Variants in NR5A2 observed in about 807,000 individuals in gnomAD.
NR5A2 encodes the protein CYP7A promoter-binding factor.
A neutral mutation model predicts 62.7 loss-of-function variants in NR5A2; 26 were observed. The ratio of observed to expected loss-of-function variants is 0.41; its 90% CI spans 0.30 to 0.58. The LOEUF (loss-of-function observed/expected upper bound fraction) is 0.58, where lower values mean the gene tolerates loss of function less well. Ranked by LOEUF, NR5A2 falls within the 20% of genes least tolerant of loss-of-function variation. NR5A2 has a pLI of 0.22. For synonymous variants in NR5A2, 246 were observed against 241.7 expected (o/e 1.02, Z -0.16); for missense variants, 541 against 669.1 (o/e 0.81, Z 2.11).
intron 6 of NR5A2, among the ~76,000 whole-genome samples, chr1:200,112,079 GAAAAA>G (rs536242858): frequency 9.1e-5 from 9 of 98,592 alleles, no homozygotes; most frequent in Admixed American, 5.1e-4. Context: ...CTGAATAAAA[GAAAAA>G]AAAAAAAAGG....
intron 5 of NR5A2, among the ~76,000 whole-genome samples, chr1:200,095,657 A>C (rs1010875417): frequency 6.6e-5 from 10 of 151,838 alleles, no homozygotes; most frequent in African/African-American, 2.4e-4. Flanking sequence ...GGTTCACGCC[A>C]TCCTCCTGCC....
chr1:200,160,207 C>T (rs1038196717), intron 7 of NR5A2, among the ~76,000 whole-genome samples: 11 of 152,266 alleles, frequency 7.2e-5, no homozygotes, highest in African/African-American at 2.2e-4. Flanking sequence ...ATAGTTTACA[C>T]GAAGAGGATT....
chr1:200,065,668 A>G (rs1485256942), intron 5 of NR5A2, among the ~76,000 whole-genome samples: 1 of 152,150 alleles, frequency 6.6e-6, no homozygotes, highest in Non-Finnish European at 1.5e-5. Context: ...TTCAACATAC[A>G]TTAATTAAGT....
rs199556915 is a variant in NR5A2 at position 200,074,736 on chromosome 1, C to CAAAAAAAAAAAAAAAAAAAAAAAAAAAA, written c.1110+25938_1110+25939insAAAAAAAAAAAAAAAAAAAAAAAAAAAA. 4.7e-4 allele frequency among the ~76,000 whole-genome samples: 32 copies of CAAAAAAAAAAAAAAAAAAAAAAAAAAAA among 67,542 alleles called. 1 individual carries two copies. The highest frequency in any genetic ancestry group is 7.0e-4 in the South Asian group (1 of 1,428). 44.3% of individuals were successfully genotyped at this position (67,542 alleles called of 152,430 possible). Reference sequence around the variant, plus strand: ...TGGGCGACAGGGCGAGAGTCCATCTCAAAAAAAAAAAAAAAAAAAACACGA... The same window carrying CAAAAAAAAAAAAAAAAAAAAAAAAAAAA: ...TGGGCGACAGGGCGAGAGTCCATCTCAAAAAAAAAAAAAAAAAAAAAAAAAAAAAAAAAAAAAAAAAAAAAAAACACGA... On this transcript the variant is annotated intron_variant, in intron 5 of 7. Transcript: ENST00000367362.
chr1:200,092,957 C>T (rs1664889837), intron 5 of NR5A2, among the ~76,000 whole-genome samples: 1 of 137,398 alleles, frequency 7.3e-6, no homozygotes, highest in African/African-American at 2.8e-5. Context: ...AATCTTGGCT[C>T]ACTGCAACCT....
At chr1:200,109,079 A>C (rs1240203086) in intron 5 of NR5A2, among the ~76,000 whole-genome samples, 10 of 152,202 alleles carry the variant, frequency 6.6e-5, no homozygotes, top group Non-Finnish European at 1.5e-4. Context: ...CATTTTCAAA[A>C]AGGCAGTGAC....
At chr1:200,071,801 G>GT (rs1558120755) in intron 5 of NR5A2, among the ~76,000 whole-genome samples, 1 of 152,094 alleles carries the variant, frequency 6.6e-6, no homozygotes, top group Non-Finnish European at 1.5e-5. Context: ...CACTGCCTGT[G>GT]TTACTCAGTA....
intron 6 of NR5A2, among the ~76,000 whole-genome samples, chr1:200,114,119 G>T (rs890828900): frequency 2.0e-5 from 3 of 152,032 alleles, no homozygotes; most frequent in African/African-American, 7.2e-5. Flanking sequence ...GGAGGCAGAG[G>T]CTACAGTGAG....
chr1:200,037,143 C>T (rs1454556243), intron 1 of NR5A2, among the ~76,000 whole-genome samples: 2 of 152,184 alleles, frequency 1.3e-5, no homozygotes, highest in Non-Finnish European at 2.9e-5. Flanking sequence ...AAGCAAGTCC[C>T]TTCTGGCCCT....
intron 5 of NR5A2, among the ~76,000 whole-genome samples, chr1:200,102,818 T>G (rs980309151): frequency 7.9e-5 from 12 of 152,206 alleles, no homozygotes; most frequent in African/African-American, 2.2e-4. Flanking sequence ...TACAAAAGGT[T>G]ACATGAATAT....
At chr1:200,074,736 C>CAAAAAAAAA (rs199556915) in intron 5 of NR5A2, among the ~76,000 whole-genome samples, 744 of 67,252 alleles carry the variant, frequency 0.011, 4 homozygotes, top group East Asian at 0.019. Flanking sequence ...GAGTCCATCT[C>CAAAAAAAAA]AAAAAAAAAA....
chr1:200,062,309 AC>A (rs1238946733), intron 5 of NR5A2, among the ~76,000 whole-genome samples: 2 of 150,134 alleles, frequency 1.3e-5, no homozygotes, highest in Non-Finnish European at 3.0e-5. Flanking sequence ...TCCTGTTTTC[AC>A]ACACATTCTC....
intron 7 of NR5A2, among the ~76,000 whole-genome samples, chr1:200,155,407 C>G (rs1653329876): frequency 6.6e-6 from 1 of 152,142 alleles, no homozygotes; most frequent in Non-Finnish European, 1.5e-5. Context: ...AATAATTATA[C>G]AGTAGACTTG....
At chr1:200,106,110 G>A (rs1240022350) in intron 5 of NR5A2, among the ~76,000 whole-genome samples, 1 of 151,252 alleles carries the variant, frequency 6.6e-6, no homozygotes, top group African/African-American at 2.4e-5. Flanking sequence ...CAGGCTGGAG[G>A]GCAGTGGTGC....
chr1:200,066,591 T>TTA (rs1345312460), intron 5 of NR5A2, among the ~76,000 whole-genome samples: 1 of 138,182 alleles, frequency 7.2e-6, no homozygotes, highest in East Asian at 2.0e-4. Context: ...TAATTATCTT[T>TTA]TTTTTTTTTT....
intron 7 of NR5A2, among the ~76,000 whole-genome samples, chr1:200,152,709 T>G (rs1007809460): frequency 1.3e-5 from 2 of 152,230 alleles, no homozygotes; most frequent in African/African-American, 4.8e-5. Context: ...TCCCAACTTT[T>G]GTGGATTTTT....
intron 7 of NR5A2, among the ~76,000 whole-genome samples, chr1:200,135,679 G>A (rs1001732946): frequency 1.5e-4 from 23 of 152,146 alleles, no homozygotes; most frequent in Non-Finnish European, 2.1e-4. Flanking sequence ...TTAGGAACGT[G>A]TATCACCTCA....
chr1:200,043,799 C>T lies in NR5A2; in HGVS notation c.228C>T (p.Tyr76=). The T allele has an allele frequency of 6.2e-7, 1 of 1,612,534 alleles. No homozygotes were observed. Among genetic ancestry groups the T allele is most frequent in the Non-Finnish European group, 8.5e-7 (1 of 1,178,802 alleles). Residue 76 remains tyrosine (Y), a synonymous_variant, in exon 3 of 8, where the codon TAC becomes TAT. Transcript: ENST00000367362. ...TGTCTCAATTTAAAATGGTGAATTA[C>T]TCCTATGATGAAGATCTGGAAGAGC... ...MQVSQFKMVN[Y]SYDEDLEELC...
At chr1:200,096,000 T>C (rs946556880) in intron 5 of NR5A2, among the ~76,000 whole-genome samples, 1 of 152,216 alleles carries the variant, frequency 6.6e-6, no homozygotes, top group Non-Finnish European at 1.5e-5. Context: ...GACAAGGACA[T>C]GTGACAGACT....
Sources: gnomAD v4.1 joint callset for allele counts (sites outside exome capture counted in the v4.1 genomes callset) on GRCh38, gnomAD v4.1.1 for gene constraint, MANE v1.5 for transcripts, NCBI Gene and HGNC (gene_info 2026-07-23, HGNC 2026-07-21) for gene names.